Variants in CLEC20A observed in about 807,000 individuals in gnomAD.
The protein encoded by CLEC20A is putative C-type lectin domain family 20 member A.
chr1:178,484,734 T>C (rs1649090890), intron 5 of CLEC20A: 1 of 152,218 alleles, frequency 6.6e-6, no homozygotes, highest in East Asian at 1.9e-4. Flanking sequence ...TTTATAAACT[T>C]TGCATTTGTG....
chr1:178,488,101 T>C (rs1177716674), intron 5 of CLEC20A, among the ~76,000 whole-genome samples: 1 of 152,206 alleles, frequency 6.6e-6, no homozygotes, highest in Non-Finnish European at 1.5e-5. Context: ...TCCCTCTGGA[T>C]GCTGAGCCTC....
chr1:178,491,962 G>A (rs747011583), intron 3 of CLEC20A, among the ~76,000 whole-genome samples: 1 of 152,062 alleles, frequency 6.6e-6, no homozygotes, highest in Non-Finnish European at 1.5e-5. Flanking sequence ...CCTTGAGCCA[G>A]TCACCCTCCC....
chr1:178,492,860 C>T (rs565004176), intron 2 of CLEC20A, among the ~76,000 whole-genome samples: 8 of 152,258 alleles, frequency 5.3e-5, no homozygotes, highest in South Asian at 4.1e-4. Context: ...AGCACAGCCA[C>T]GACAAAGGTT....
chr1:178,479,698 C>G (rs1558026095), intron 7 of CLEC20A, 83 bp from the exon 8 acceptor site: 1 of 396,408 alleles, frequency 2.5e-6, no homozygotes, highest in Non-Finnish European at 4.4e-6. Flanking sequence ...CATCCGTATA[C>G]CCTTTATGCA....
At chr1:178,483,069 G>T in intron 6 of CLEC20A, 106 bp downstream of exon 6, 1 of 396,378 alleles carries the variant, frequency 2.5e-6, no homozygotes, top group Non-Finnish European at 4.4e-6. Flanking sequence ...AACATTTCAT[G>T]CTGTCTTTCA....
intron 4 of CLEC20A, among the ~76,000 whole-genome samples, chr1:178,489,039 T>G (rs1237291730): frequency 1.3e-5 from 2 of 152,142 alleles, no homozygotes; most frequent in Admixed American, 1.3e-4. Context: ...TTGTGAATAT[T>G]CTAAAAGCCA....
At chr1:178,482,223 T>C (rs1229594857) in intron 7 of CLEC20A, 89 bp downstream of exon 7, 3 of 397,584 alleles carry the variant, frequency 7.5e-6, no homozygotes, top group Non-Finnish European at 1.3e-5. Context: ...ATTCCACAGG[T>C]TTTCCACCTT....
At chr1:178,484,173 A>G (rs1474154379) in intron 5 of CLEC20A, 1 of 152,214 alleles carries the variant, frequency 6.6e-6, no homozygotes, top group Non-Finnish European at 1.5e-5. Flanking sequence ...AGGTGCATAT[A>G]TATGTGTGTA....
At chr1:178,481,619 T>C (rs1046139384) in intron 7 of CLEC20A, 2 of 152,180 alleles carry the variant, frequency 1.3e-5, no homozygotes, top group Non-Finnish European at 2.9e-5. Context: ...AAATAAAGTC[T>C]GGAACAAATG....
chr1:178,496,617 T>G (rs1476162125), intron 1 of CLEC20A: 4 of 379,282 alleles, frequency 1.1e-5, no homozygotes, highest in Non-Finnish European at 1.9e-5. Flanking sequence ...CGCGGCCGTC[T>G]CTTTGAGGAA....
intron 5 of CLEC20A, among the ~76,000 whole-genome samples, chr1:178,485,317 C>T (rs974523265): frequency 3.3e-5 from 5 of 152,166 alleles, no homozygotes; most frequent in Non-Finnish European, 7.3e-5. Context: ...GGGATCAAGT[C>T]CTTCAGATTT....
chr1:178,486,948 G>C, intron 5 of CLEC20A: 1 of 397,054 alleles, frequency 2.5e-6, no homozygotes, highest in East Asian at 3.6e-5. Flanking sequence ...AAGCGCGCGA[G>C]TAGGAGGTGC....
exon 4 of CLEC20A, chr1:178,490,407 A>T (rs1264268857): frequency 2.5e-6 from 1 of 398,668 alleles, no homozygotes; most frequent in Non-Finnish European, 4.4e-6. Flanking sequence ...GTCAAATCGC[A>T]TGAAGGTCTG....
exon 4 of CLEC20A, chr1:178,490,352 G>A (rs927823920): frequency 5.0e-6 from 2 of 398,598 alleles, no homozygotes; most frequent in Admixed American, 4.4e-5. Flanking sequence ...GATCCGTGTG[G>A]TGGCTGCGGC....
At chr1:178,486,634 G>A (rs1039028010) in intron 5 of CLEC20A, 12 of 398,600 alleles carry the variant, frequency 3.0e-5, no homozygotes, top group Non-Finnish European at 4.9e-5. Context: ...AGACCCAGGG[G>A]GTGCTGCTAT....
In CLEC20A at chr1:178,494,123, A is replaced by G. The variant is rs561590663; in HGVS notation, c.397+331T>C. Among the ~76,000 whole-genome samples the G allele has an allele frequency of 7.2e-5, 11 of 152,324 alleles. 1 individual carries two copies. The South Asian group carries it at 1.2e-3, about 17-fold the overall frequency. ...GAAAACCAACCCTGGGCCAGGCCCAATGGCTCATGCCTATAATCCCAGCAC... is the reference window on the plus strand; with the variant it reads ...GAAAACCAACCCTGGGCCAGGCCCAGTGGCTCATGCCTATAATCCCAGCAC... On this transcript the variant is annotated intron_variant, in intron 2 of 7. Coordinates refer to ENST00000623247, the Ensembl canonical transcript of CLEC20A.
chr1:178,486,792 G>A (rs1649157779), intron 5 of CLEC20A: 1 of 398,600 alleles, frequency 2.5e-6, no homozygotes, highest in East Asian at 3.6e-5. Context: ...AGGGCGCAGG[G>A]TGGGAAGACG....
At chr1:178,496,168 C>T (rs968505099) in intron 1 of CLEC20A, 2 of 152,380 alleles carry the variant, frequency 1.3e-5, no homozygotes, top group African/African-American at 4.8e-5. Flanking sequence ...CCCCTGGCAC[C>T]CCAGCCCCAT....
Position 178,492,047 on chromosome 1 carries a change from G to T in CLEC20A, c.463+454C>A, listed in dbSNP as rs548051418. ...ACCTGTAATCCCAGCACTTTGGGAG[G>T]CCCAGGCAGGTGGATCACTAGAGCC... On this transcript the variant is annotated intron_variant, in intron 3 of 7. Transcript: ENST00000623247. Among the ~76,000 whole-genome samples the T allele has an allele frequency of 8.5e-5, 13 of 152,288 alleles. No homozygotes were observed. In the South Asian group the frequency reaches 2.5e-3, roughly 29 times the overall value.
Sources: gnomAD v4.1 joint callset for allele counts (sites outside exome capture counted in the v4.1 genomes callset) on GRCh38, gnomAD v4.1.1 for gene constraint, MANE v1.5 for transcripts, NCBI Gene and HGNC (gene_info 2026-07-23, HGNC 2026-07-21) for gene names.